CCDC7: variants seen among roughly 807,000 people sequenced by gnomAD.
The protein encoded by CCDC7 is coiled-coil domain-containing protein 7.
A neutral mutation model predicts 196.9 loss-of-function variants in CCDC7; 183 were observed. That is an observed-to-expected ratio of 0.93 (90% CI 0.82 to 1.05). CCDC7 has a LOEUF of 1.05. Ranked by LOEUF, CCDC7 falls within the 50% of genes least tolerant of loss-of-function variation. The pLI, the probability that CCDC7 is intolerant of heterozygous loss-of-function variation, is 0.00. For synonymous variants in CCDC7, 525 were observed against 484.6 expected, an observed-to-expected ratio of 1.08 and a Z score of -1.10; for missense variants, 1,540 against 1,482.2, an observed-to-expected ratio of 1.04 and a Z score of -0.64.
intron 26 of CCDC7, among the ~76,000 whole-genome samples, chr10:32,728,044 C>T (rs1256958422): frequency 6.6e-6 from 1 of 152,124 alleles, no homozygotes; most frequent in African/African-American, 2.4e-5. Context: ...CCCAAGCAAT[C>T]ACTAAGCTGA....
intron 18 of CCDC7, among the ~76,000 whole-genome samples, chr10:32,584,857 T>G (rs749783372): frequency 4.6e-5 from 7 of 151,384 alleles, no homozygotes; most frequent in Non-Finnish European, 1.0e-4. Context: ...TAGCTTTATC[T>G]CAAGCAAATA....
chr10:32,731,206 G>A (rs1057134719), intron 28 of CCDC7, among the ~76,000 whole-genome samples: 1 of 152,010 alleles, frequency 6.6e-6, no homozygotes, highest in African/African-American at 2.4e-5. Flanking sequence ...CTCTAGTAAG[G>A]TCTTTTGACT....
At chr10:32,589,027 C>G (rs1000393422) in intron 18 of CCDC7, among the ~76,000 whole-genome samples, 2 of 151,992 alleles carry the variant, frequency 1.3e-5, no homozygotes, top group Non-Finnish European at 2.9e-5. Context: ...ATTATACTTT[C>G]TTAGTTATTT....
chr10:32,767,441 T>A (rs1302472790), intron 28 of CCDC7, among the ~76,000 whole-genome samples: 4 of 152,112 alleles, frequency 2.6e-5, no homozygotes, highest in African/African-American at 9.7e-5. Flanking sequence ...TTTGGCTTCT[T>A]TTAGAAGCAA....
rs180713702 is a variant in CCDC7, at chr10:32,602,118, G to C, written c.1801+17814G>C. On this transcript the variant is annotated intron_variant, in intron 18 of 41. Coordinates refer to ENST00000639629, the Ensembl canonical transcript of CCDC7. ...TATAAGCTGTAACACTCACTGTGAGGGTTTGCGGCTTCATTCCTGAAGTCA... is the reference window on the plus strand; with the variant it reads ...TATAAGCTGTAACACTCACTGTGAGCGTTTGCGGCTTCATTCCTGAAGTCA... Among the ~76,000 whole-genome samples the C allele has an allele frequency of 4.7e-3, 717 of 152,180 alleles. 1 individual carries two copies. The highest frequency in any genetic ancestry group is 7.4e-3 in the Non-Finnish European group (505 of 68,010).
chr10:32,560,533 A>G (rs571025795), intron 13 of CCDC7, among the ~76,000 whole-genome samples: 16 of 141,432 alleles, frequency 1.1e-4, no homozygotes, highest in East Asian at 4.1e-4. Context: ...TTCTTAAAGA[A>G]AAGAATTTTC....
At chr10:32,751,293 A>G (rs2075615195) in intron 28 of CCDC7, among the ~76,000 whole-genome samples, 1 of 151,964 alleles carries the variant, frequency 6.6e-6, no homozygotes, top group African/African-American at 2.4e-5. Context: ...TCTTGCCTCC[A>G]TTAATTAGGA....
chr10:32,638,488 CAT>C (rs1246945302), intron 20 of CCDC7, among the ~76,000 whole-genome samples: 2 of 152,148 alleles, frequency 1.3e-5, no homozygotes, highest in Non-Finnish European at 2.9e-5. Context: ...TTGAGATAAT[CAT>C]GTGGTTTTTG....
intron 18 of CCDC7, among the ~76,000 whole-genome samples, chr10:32,625,641 T>C (rs1470516157): frequency 2.6e-5 from 4 of 152,076 alleles, no homozygotes; most frequent in Admixed American, 2.6e-4. Flanking sequence ...TATGCTATTA[T>C]ATTCACCATG....
chr10:32,811,498 A>G (rs1377143473), intron 30 of CCDC7, among the ~76,000 whole-genome samples: 1 of 152,082 alleles, frequency 6.6e-6, no homozygotes, highest in Non-Finnish European at 1.5e-5. Context: ...CTGTTAGATA[A>G]AAAGAATAAG....
chr10:32,496,782 A>T (rs1054074039), intron 9 of CCDC7, among the ~76,000 whole-genome samples: 6 of 152,098 alleles, frequency 3.9e-5, no homozygotes, highest in African/African-American at 1.4e-4. Flanking sequence ...GTGCTTCTGG[A>T]TTCAGTTTAT....
chr10:32,470,760 G>T (rs1012509965), intron 5 of CCDC7, among the ~76,000 whole-genome samples: 2 of 152,066 alleles, frequency 1.3e-5, no homozygotes, highest in African/African-American at 4.8e-5. Context: ...AATGACTCTT[G>T]TAAATATTTT....
At chr10:32,868,092 G>T (rs1413612714) in intron 41 of CCDC7, among the ~76,000 whole-genome samples, 1 of 151,800 alleles carries the variant, frequency 6.6e-6, no homozygotes, top group Non-Finnish European at 1.5e-5. Flanking sequence ...GTATGTGTTG[G>T]AATTTCCTTC....
intron 29 of CCDC7, among the ~76,000 whole-genome samples, chr10:32,789,338 A>C (rs1057002888): frequency 1.3e-5 from 2 of 152,098 alleles, no homozygotes; most frequent in Non-Finnish European, 2.9e-5. Context: ...GAAAACAGAC[A>C]ACTAAGAAAA....
intron 16 of CCDC7, among the ~76,000 whole-genome samples, chr10:32,572,180 C>T (rs1311168819): frequency 6.6e-6 from 1 of 151,988 alleles, no homozygotes; most frequent in East Asian, 1.9e-4. Context: ...AGGAACTAAC[C>T]CTTATTTTCA....
At chr10:32,584,484 G>A (rs537158192) in intron 18 of CCDC7, among the ~76,000 whole-genome samples, 180 bp downstream of exon 19, 2 of 129,830 alleles carry the variant, frequency 1.5e-5, no homozygotes, top group Non-Finnish European at 3.4e-5. Context: ...TGGGCCAGGC[G>A]TGGTGGCTCA....
intron 20 of CCDC7, among the ~76,000 whole-genome samples, chr10:32,641,019 T>G (rs2066698819): frequency 6.6e-6 from 1 of 152,178 alleles, no homozygotes; most frequent in Non-Finnish European, 1.5e-5. Context: ...TGCCGAGAGA[T>G]CCGCTGTTAC....
At chr10:32,528,719 T>C (rs1170630129) in intron 11 of CCDC7, among the ~76,000 whole-genome samples, 5 of 143,918 alleles carry the variant, frequency 3.5e-5, no homozygotes, top group African/African-American at 1.3e-4. Context: ...TATATACATA[T>C]ATACGTATTT....
intron 20 of CCDC7, among the ~76,000 whole-genome samples, chr10:32,659,912 ATGG>A (rs766713064): frequency 3.3e-5 from 5 of 152,278 alleles, no homozygotes; most frequent in Admixed American, 2.0e-4. Flanking sequence ...GGAAGACAGT[ATGG>A]TGATTCATCA....
Sources: allele counts gnomAD v4.1 joint callset (sites outside exome capture counted in the v4.1 genomes callset), GRCh38; gene constraint gnomAD v4.1.1; transcripts MANE v1.5; gene names NCBI Gene and HGNC (gene_info 2026-07-23, HGNC 2026-07-21).